The following NCR1 variants were observed in gnomAD, a reference collection of about 807,000 sequenced individuals.
NCR1 encodes natural cytotoxicity triggering receptor 1.
Under a neutral mutation model 32.5 loss-of-function variants are expected in NCR1, and 30 were observed. That is an observed-to-expected ratio of 0.92 (90% CI 0.69 to 1.25). The LOEUF is 1.25. NCR1 is among the 50% of genes most tolerant of loss of function. The pLI is 0.00. For synonymous variants in NCR1, 169 were observed against 143.4 expected (o/e 1.18, Z -1.28); for missense variants, 369 against 380.7 (o/e 0.97, Z 0.26).
At chr19:54,937,900 C>CAA in the NCR1 span, 21,287 of 498,292 alleles carry the variant, frequency 0.043, 380 homozygotes, top group African/African-American at 0.17. Flanking sequence ...TCCGTCTCAC[C>CAA]AAAAAAAAAA....
Position 54,910,020 on chromosome 19 carries a change from G to A in NCR1, c.637G>A (p.Asp213Asn), listed in dbSNP as rs781129363. 9.3e-6 allele frequency: 15 copies of A among 1,612,056 alleles called. No individual in the cohort carries two copies. The highest frequency in any genetic ancestry group is 3.3e-5 in the Admixed American group (2 of 59,726). ...TTTTTCTTTATCTCCTTTTCCAGGC[G>A]ACATTGAGAACACCAGCCTTGCACC... ...SEPVKLLVTGDIENTSLAPED... is the reference protein window; with the variant it reads ...SEPVKLLVTGNIENTSLAPED... The change falls in exon 5 of 7, where the codon GAC becomes AAC. Residue 213 changes from aspartate to asparagine, a missense_variant and splice_region_variant. Transcript: ENST00000291890.
chr19:54,900,821 T>C, the NCR1 span, among the ~76,000 whole-genome samples: 2 of 152,120 alleles, frequency 1.3e-5, no homozygotes, highest in African/African-American at 4.8e-5. Context: ...GATGGGCAGC[T>C]GGTCGGCATG....
At chr19:54,901,489 C>T (rs1193431803), upstream of NCR1, among the ~76,000 whole-genome samples, 1 of 151,832 alleles carries the variant, frequency 6.6e-6, no homozygotes, top group East Asian at 1.9e-4. Context: ...GGGACAGTCC[C>T]AGGAATGCTG....
At chr19:54,937,462 C>G in the NCR1 span, among the ~76,000 whole-genome samples, 2 of 151,940 alleles carry the variant, frequency 1.3e-5, no homozygotes, top group Non-Finnish European at 2.9e-5. Context: ...AAGACCGAGG[C>G]AGGCGCATCA....
chr19:54,915,236 G>A (rs2068109658), downstream of NCR1, among the ~76,000 whole-genome samples: 1 of 152,080 alleles, frequency 6.6e-6, no homozygotes, highest in Admixed American at 6.6e-5. Flanking sequence ...TCAAATGAGT[G>A]AATGTATATA....
chr19:54,934,716 C>CT, the NCR1 span: 68,501 of 1,001,238 alleles, frequency 0.068, 4 homozygotes, highest in South Asian at 0.094. This position sits in a 1 kb window ranked among gnomAD's most constrained non-coding sequence, Gnocchi z 6.7. Context: ...ACCCTATCAG[C>CT]TTTTTTTTTT....
chr19:54,927,833 T>G, the NCR1 span: 1 of 1,490,638 alleles, frequency 6.7e-7, no homozygotes, highest in Non-Finnish European at 9.3e-7. Flanking sequence ...GGCTCAAGCG[T>G]GTAATCCCAA....
chr19:54,923,744 C>CA, the NCR1 span: 7 of 1,612,630 alleles, frequency 4.3e-6, no homozygotes, highest in South Asian at 1.1e-5. Flanking sequence ...GGCTGCTCAG[C>CA]AAAAAAAGTC....
chr19:54,910,141 A>C (rs1373130253), intron 5 of NCR1, 76 bp downstream of exon 5: 1 of 1,456,066 alleles, frequency 6.9e-7, no homozygotes, highest in Non-Finnish European at 9.6e-7. Context: ...GCATTCATTC[A>C]AAATATTCAT....
At chr19:54,938,027 G>A in the NCR1 span, 3 of 1,600,626 alleles carry the variant, frequency 1.9e-6, no homozygotes, top group Middle Eastern at 1.7e-4. Flanking sequence ...TTCCTTGCAA[G>A]ATGAGCTTCT....
At chr19:54,918,916 G>A (rs952823762), downstream of NCR1, among the ~76,000 whole-genome samples, 5 of 151,582 alleles carry the variant, frequency 3.3e-5, no homozygotes, top group East Asian at 1.9e-4. Context: ...CCCAGGAGGC[G>A]GAGGTTGCGG....
chr19:54,934,657 A>G, the NCR1 span: 14 of 1,612,446 alleles, frequency 8.7e-6, no homozygotes, highest in Non-Finnish European at 1.2e-5. The surrounding 1 kb of genome is among the most constrained non-coding windows in gnomAD (Gnocchi z 6.7). Flanking sequence ...GTGACCTCCC[A>G]ACCTGTGAAA....
chr19:54,918,899 G>A (rs1259490815), downstream of NCR1, among the ~76,000 whole-genome samples: 4 of 151,408 alleles, frequency 2.6e-5, no homozygotes, highest in African/African-American at 4.9e-5. Flanking sequence ...TTGGAGAATC[G>A]CTTGAACCCA....
At chr19:54,934,752 C>A in the NCR1 span, 2 of 1,086,454 alleles carry the variant, frequency 1.8e-6, no homozygotes, top group Non-Finnish European at 2.6e-6. This position sits in a 1 kb window ranked among gnomAD's most constrained non-coding sequence, Gnocchi z 6.7. Context: ...CTCTGTTGCC[C>A]AGTCTGGAAT....
At chr19:54,928,630 G>A in the NCR1 span, among the ~76,000 whole-genome samples, 2 of 152,048 alleles carry the variant, frequency 1.3e-5, no homozygotes, top group Non-Finnish European at 2.9e-5. Flanking sequence ...GTCCTCTTTT[G>A]GAAAGTGATA....
chr19:54,936,118 C>T, the NCR1 span: 16 of 737,914 alleles, frequency 2.2e-5, no homozygotes, highest in African/African-American at 1.7e-4. Context: ...GAGGAGAGGC[C>T]GACTCCCCCA....
chr19:54,921,001 G>C (rs1385617362), downstream of NCR1, among the ~76,000 whole-genome samples: 1 of 152,038 alleles, frequency 6.6e-6, no homozygotes, highest in East Asian at 1.9e-4. Context: ...CCAAAAAAAA[G>C]ACTACTATCT....
At chr19:54,901,243 T>C (rs1490031688), upstream of NCR1, among the ~76,000 whole-genome samples, 1 of 148,384 alleles carries the variant, frequency 6.7e-6, no homozygotes, top group Non-Finnish European at 1.5e-5. Context: ...TGAGTCGAGA[T>C]TGCGCCACTC....
At chr19:54,927,899 C>T in the NCR1 span, 11 of 817,838 alleles carry the variant, frequency 1.3e-5, no homozygotes, top group Admixed American at 2.0e-4. Context: ...CGAGACCAGC[C>T]TTGCCAACAC....
Sources: allele counts gnomAD v4.1 joint callset (sites outside exome capture counted in the v4.1 genomes callset), GRCh38; gene constraint gnomAD v4.1.1; non-coding constraint Gnocchi (gnomAD v3.1); transcripts MANE v1.5; gene names NCBI Gene and HGNC (gene_info 2026-07-23, HGNC 2026-07-21).